The following AQP7B variants were observed in gnomAD, a reference collection of about 807,000 sequenced individuals.
The protein encoded by AQP7B is aquaporin 7B, also known as putative aquaporin-7B.
At chr2:94,588,243 G>A in the AQP7B span, among the ~76,000 whole-genome samples, 5 of 152,128 alleles carry the variant, frequency 3.3e-5, no homozygotes, top group African/African-American at 1.2e-4. Flanking sequence ...GCTGCAGACA[G>A]GGAAGGTCAG....
At chr2:94,603,891 C>T in the AQP7B span, 2 of 1,341,980 alleles carry the variant, frequency 1.5e-6, no homozygotes, top group African/African-American at 1.4e-5. Flanking sequence ...CCCCCAGCAT[C>T]TTCACCTTCA....
chr2:94,588,229 C>A, the AQP7B span, among the ~76,000 whole-genome samples: 2 of 152,204 alleles, frequency 1.3e-5, no homozygotes, highest in South Asian at 2.1e-4. Flanking sequence ...CAGTCCAAAG[C>A]TGGGCTGCAG....
the AQP7B span, chr2:94,603,775 G>A: frequency 1.3e-6 from 2 of 1,540,692 alleles, no homozygotes; most frequent in East Asian, 2.3e-5. Flanking sequence ...GAACAACCCA[G>A]CACTGCCAGG....
the AQP7B span, among the ~76,000 whole-genome samples, chr2:94,592,419 G>A: frequency 1.3e-5 from 2 of 152,142 alleles, no homozygotes; most frequent in African/African-American, 4.8e-5. Flanking sequence ...ACAAAACCAG[G>A]GATGAGTAGA....
chr2:94,603,879 G>A, the AQP7B span: 116 of 1,374,130 alleles, frequency 8.4e-5, no homozygotes, highest in East Asian at 1.6e-4. Flanking sequence ...CCCGGGACCC[G>A]CCCCCCAGCA....
chr2:94,590,936 C>T, the AQP7B span, among the ~76,000 whole-genome samples: 67 of 127,772 alleles, frequency 5.2e-4, 2 homozygotes, highest in South Asian at 0.015. Flanking sequence ...CAGAGTGAGA[C>T]CCTGTCTCAA....
At chr2:94,597,956 T>C in the AQP7B span, among the ~76,000 whole-genome samples, 1 of 152,154 alleles carries the variant, frequency 6.6e-6, no homozygotes, top group Admixed American at 6.5e-5. Context: ...TTAGCTTAAA[T>C]ATTGACAGCT....
At chr2:94,595,472 G>A in the AQP7B span, among the ~76,000 whole-genome samples, 2 of 152,038 alleles carry the variant, frequency 1.3e-5, no homozygotes, top group Non-Finnish European at 2.9e-5. Context: ...GAGAGAGATT[G>A]AAGAGAAACT....
At chr2:94,598,471 C>T in the AQP7B span, among the ~76,000 whole-genome samples, 24 of 152,204 alleles carry the variant, frequency 1.6e-4, no homozygotes, top group East Asian at 1.7e-3. Context: ...CAGCCATACA[C>T]GTGAGACACG....
the AQP7B span, among the ~76,000 whole-genome samples, chr2:94,592,837 T>G: frequency 4.2e-5 from 6 of 143,072 alleles, no homozygotes; most frequent in Admixed American, 7.0e-5. Context: ...TTTTTTTTTT[T>G]TTTTGAGACA....
At chr2:94,604,326 C>A in the AQP7B span, 33 of 1,610,034 alleles carry the variant, frequency 2.0e-5, no homozygotes, top group Non-Finnish European at 2.8e-5. Flanking sequence ...GTGGTGGCAC[C>A]ACTTCTGGGT....
the AQP7B span, among the ~76,000 whole-genome samples, chr2:94,587,382 G>T: frequency 6.6e-6 from 1 of 152,206 alleles, no homozygotes; most frequent in Non-Finnish European, 1.5e-5. Flanking sequence ...CAAGGCAGAG[G>T]CTGAGAATCA....
At chr2:94,603,340 C>T in the AQP7B span, 1 of 1,567,170 alleles carries the variant, frequency 6.4e-7, no homozygotes, top group African/African-American at 1.3e-5. Flanking sequence ...CCCAGTGGGG[C>T]TTAGTTGGGG....
chr2:94,592,715 T>C, the AQP7B span, among the ~76,000 whole-genome samples: 1 of 151,456 alleles, frequency 6.6e-6, no homozygotes, highest in Non-Finnish European at 1.5e-5. Flanking sequence ...GAACCAAAGA[T>C]TTATTGAATC....
At chr2:94,604,247 G>A in the AQP7B span, 3 of 1,546,708 alleles carry the variant, frequency 1.9e-6, no homozygotes, top group Non-Finnish European at 2.6e-6. Context: ...TGCTGTCCTG[G>A]GCATCAGCCC....
chr2:94,602,521 G>A, the AQP7B span: 2 of 1,605,364 alleles, frequency 1.2e-6, no homozygotes, highest in South Asian at 1.1e-5. Flanking sequence ...TGGCCCATAT[G>A]GTTCTAAATA....
At chr2:94,602,638 A>G in the AQP7B span, 1 of 1,566,862 alleles carries the variant, frequency 6.4e-7, no homozygotes, top group Admixed American at 1.7e-5. Context: ...AGGGCCTACC[A>G]GACTGGGCAA....
At chr2:94,603,516 A>G in the AQP7B span, 2 of 1,602,502 alleles carry the variant, frequency 1.2e-6, no homozygotes, top group South Asian at 1.1e-5. Context: ...GTGGTCCAGG[A>G]TGAGTACCCC....
chr2:94,603,778 C>G, the AQP7B span: 5 of 1,540,578 alleles, frequency 3.2e-6, no homozygotes, highest in African/African-American at 6.8e-5. Flanking sequence ...CAACCCAGCA[C>G]TGCCAGGAAC....
Sources: allele counts gnomAD v4.1 joint callset (sites outside exome capture counted in the v4.1 genomes callset), GRCh38; gene constraint gnomAD v4.1.1; transcripts MANE v1.5; gene names NCBI Gene and HGNC (gene_info 2026-07-23, HGNC 2026-07-21).